The following COL25A1 variants were observed in gnomAD, a reference collection of about 807,000 sequenced individuals.
COL25A1 encodes collagen alpha-1(XXV) chain.
In COL25A1, 103 loss-of-function variants were observed where a neutral mutation model predicts 128.4. The ratio of observed to expected loss-of-function variants is 0.80; its 90% CI spans 0.68 to 0.94. COL25A1 has a LOEUF of 0.94. COL25A1 is among the 40% of genes least tolerant of loss of function. COL25A1 has a pLI of 0.00. For synonymous variants in COL25A1, 279 were observed against 277.2 expected, an observed-to-expected ratio of 1.01 and a Z score of -0.06; for missense variants, 745 against 840.0, an observed-to-expected ratio of 0.89 and a Z score of 1.40.
At chr4:108,845,013 T>C (rs1310256504) in intron 29 of COL25A1, among the ~76,000 whole-genome samples, 176 bp downstream of exon 29, 2 of 152,174 alleles carry the variant, frequency 1.3e-5, no homozygotes, top group Non-Finnish European at 2.9e-5. Flanking sequence ...ACCTCTGATA[T>C]ACTTTGTGTA....
intron 3 of COL25A1, among the ~76,000 whole-genome samples, chr4:109,165,971 T>C (rs1773038076): frequency 6.6e-6 from 1 of 152,218 alleles, no homozygotes; most frequent in Non-Finnish European, 1.5e-5. Context: ...AAATTCCAAT[T>C]TTTTAAGCTC....
At chr4:108,981,447 T>C (rs1485918590) in intron 6 of COL25A1, among the ~76,000 whole-genome samples, 1 of 152,198 alleles carries the variant, frequency 6.6e-6, no homozygotes, top group Non-Finnish European at 1.5e-5. Context: ...CTGAAAAAAC[T>C]GATGTAAAAT....
intron 24 of COL25A1, among the ~76,000 whole-genome samples, chr4:108,858,999 G>A (rs1013798714): frequency 6.6e-6 from 1 of 152,184 alleles, no homozygotes; most frequent in South Asian, 2.1e-4. Flanking sequence ...GAATGCAGGA[G>A]TCTAAACATG....
At chr4:109,010,926 T>A (rs957318262) in intron 5 of COL25A1, among the ~76,000 whole-genome samples, 7 of 152,250 alleles carry the variant, frequency 4.6e-5, no homozygotes, top group African/African-American at 1.7e-4. Context: ...TAACTGAGCC[T>A]AAGGACATTT....
intron 30 of COL25A1, among the ~76,000 whole-genome samples, chr4:108,843,086 T>C (rs1734635139): frequency 7.2e-6 from 1 of 139,602 alleles, no homozygotes; most frequent in Non-Finnish European, 1.5e-5. Flanking sequence ...GAGGTAGAGG[T>C]TGCAGTGAGC....
intron 3 of COL25A1, among the ~76,000 whole-genome samples, chr4:109,284,046 A>T (rs1203180163): frequency 6.6e-6 from 1 of 152,240 alleles, no homozygotes; most frequent in Non-Finnish European, 1.5e-5. Flanking sequence ...ACAGTAAATA[A>T]ATCTGCGTAT....
chr4:109,027,256 G>A (rs192441107), intron 5 of COL25A1, among the ~76,000 whole-genome samples: 26 of 152,228 alleles, frequency 1.7e-4, no homozygotes, highest in East Asian at 1.4e-3. Flanking sequence ...ATGGGAGGGC[G>A]CTATTTTACA....
chr4:108,886,459 TGTGTGTGTGTGTG>T (rs1740789828), intron 18 of COL25A1, among the ~76,000 whole-genome samples: 1 of 111,472 alleles, frequency 9.0e-6, no homozygotes, highest in African/African-American at 3.1e-5. Flanking sequence ...TGTGTGTGTG[TGTGTGTGTGTGTG>T]TGTGTGTGTG....
chr4:108,946,629 C>T (rs1393330072), intron 8 of COL25A1, among the ~76,000 whole-genome samples: 1 of 152,074 alleles, frequency 6.6e-6, no homozygotes, highest in East Asian at 1.9e-4. Flanking sequence ...ACAGGGTTTA[C>T]CATCTAGTGG....
intron 13 of COL25A1, among the ~76,000 whole-genome samples, chr4:108,905,169 T>C (rs1232414890): frequency 1.3e-5 from 2 of 152,162 alleles, no homozygotes; most frequent in African/African-American, 4.8e-5. Context: ...ACGTTATACC[T>C]GGAAAATGAG....
At chr4:108,869,172 A>T in intron 19 of COL25A1, 22 bp from the exon 20 acceptor site, 2 of 1,232,732 alleles carry the variant, frequency 1.6e-6, no homozygotes, top group Non-Finnish European at 2.3e-6. Flanking sequence ...TGGGCATATG[A>T]GATCATTAAT....
At chr4:108,918,403 G>A (rs1399751422) in intron 12 of COL25A1, among the ~76,000 whole-genome samples, 187 bp from the exon 13 acceptor site, 2 of 152,164 alleles carry the variant, frequency 1.3e-5, no homozygotes, top group Admixed American at 6.5e-5. Flanking sequence ...AAACTACAGA[G>A]TTAAAATTAA....
At chr4:109,160,350 CAAAATGAAAACAATCA>C (rs1211972823) in intron 3 of COL25A1, among the ~76,000 whole-genome samples, 1 of 151,954 alleles carries the variant, frequency 6.6e-6, no homozygotes, top group Non-Finnish European at 1.5e-5. Context: ...TCTGAATTAG[CAAAATGAAAACAATCA>C]AAAATTTTAA....
In COL25A1 at chr4:108,909,178, A is replaced by G. The variant is rs1047127154; in HGVS notation, c.781-8006T>C. Reference sequence around the variant, plus strand: ...CTAAAATCCAAGACTAGTTCAACCTACGCCCAGGAATGGACAAGGACAGTT... The same window carrying G: ...CTAAAATCCAAGACTAGTTCAACCTGCGCCCAGGAATGGACAAGGACAGTT... On this transcript the variant is annotated intron_variant, in intron 13 of 37. Coordinates refer to ENST00000399132, the MANE Select transcript of COL25A1 (RefSeq NM_198721.4). Among the ~76,000 whole-genome samples the G allele has an allele frequency of 3.9e-5, 6 of 152,292 alleles. No individual in the cohort carries two copies. In the East Asian group the frequency reaches 1.2e-3, roughly 29 times the overall value.
intron 4 of COL25A1, 26 bp from the exon 5 acceptor site, chr4:109,048,201 A>AAGAG: frequency 6.4e-7 from 1 of 1,567,052 alleles, no homozygotes; most frequent in Non-Finnish European, 8.7e-7. Context: ...GTGGAGAGAG[A>AAGAG]AGAGAGAGAG....
chr4:109,120,082 A>G (rs1232448615), intron 3 of COL25A1, among the ~76,000 whole-genome samples: 1 of 152,118 alleles, frequency 6.6e-6, no homozygotes. Flanking sequence ...ACAAAATGCA[A>G]CACCCATTAA....
At chr4:108,962,573 T>C (rs995382674) in intron 8 of COL25A1, among the ~76,000 whole-genome samples, 1 of 152,086 alleles carries the variant, frequency 6.6e-6, no homozygotes, top group African/African-American at 2.4e-5. Context: ...TCTTTGATGG[T>C]TTGGAATGCT....
chr4:108,821,034 C>G (rs1393628452), intron 35 of COL25A1, among the ~76,000 whole-genome samples: 1 of 152,178 alleles, frequency 6.6e-6, no homozygotes, highest in Non-Finnish European at 1.5e-5. Flanking sequence ...TGTATTCATT[C>G]TGCAATCAGG....
chr4:108,943,824 C>CAAAAAAA (rs200181154), intron 8 of COL25A1, among the ~76,000 whole-genome samples: 2 of 137,276 alleles, frequency 1.5e-5, no homozygotes, highest in East Asian at 4.7e-4. Context: ...TCCTTTTTTT[C>CAAAAAAA]AAAAAAAAAA....
Sources: allele counts gnomAD v4.1 joint callset (sites outside exome capture counted in the v4.1 genomes callset), GRCh38; gene constraint gnomAD v4.1.1; transcripts MANE v1.5; gene names NCBI Gene and HGNC (gene_info 2026-07-23, HGNC 2026-07-21).